HECW1: variants seen among roughly 807,000 people sequenced by gnomAD.
HECW1 encodes HECT, C2 and WW domain containing E3 ubiquitin protein ligase 1.
HECW1 carries 61 observed loss-of-function variants against 182.3 expected under a neutral mutation model. The ratio of observed to expected loss-of-function variants is 0.33; its 90% CI spans 0.27 to 0.41. HECW1 has a LOEUF of 0.41. Ranked by LOEUF, HECW1 falls within the 10% of genes least tolerant of loss-of-function variation. HECW1 has a pLI of 1.00. For missense variants in HECW1, 1,739 were observed against 2,108.9 expected (o/e 0.82, Z 3.44); for synonymous variants, 859 against 832.6 (o/e 1.03, Z -0.55).
chr7:43,205,575 A>C (rs1795393916), intron 2 of HECW1, among the ~76,000 whole-genome samples: 1 of 152,144 alleles, frequency 6.6e-6, no homozygotes, highest in Admixed American at 6.5e-5. Context: ...GGTCAAGGAG[A>C]GTCTTTGTCC....
intron 2 of HECW1, among the ~76,000 whole-genome samples, chr7:43,195,449 G>A (rs915779156): frequency 6.6e-6 from 1 of 152,134 alleles, no homozygotes; most frequent in Admixed American, 6.5e-5. Context: ...GCCACAGGGC[G>A]GCAGATCTGC....
intron 2 of HECW1, among the ~76,000 whole-genome samples, chr7:43,194,142 G>A (rs141742273): frequency 4.6e-5 from 7 of 152,118 alleles, no homozygotes; most frequent in African/African-American, 9.6e-5. Context: ...ATCATGAGGC[G>A]TGTCCCATAT....
chr7:43,126,690 A>G (rs1786278556), intron 2 of HECW1, among the ~76,000 whole-genome samples: 1 of 152,324 alleles, frequency 6.6e-6, no homozygotes, highest in South Asian at 2.1e-4. Context: ...CAGCAAGTCT[A>G]TCGGTGCCAT....
At chr7:43,495,593 A>G (rs1240128846) in intron 19 of HECW1, among the ~76,000 whole-genome samples, 5 of 152,176 alleles carry the variant, frequency 3.3e-5, no homozygotes, top group Non-Finnish European at 7.3e-5. Flanking sequence ...TACTTTGAAA[A>G]TAGGAAACAC....
intron 3 of HECW1, among the ~76,000 whole-genome samples, chr7:43,255,078 T>C (rs971375221): frequency 1.3e-5 from 2 of 152,172 alleles, no homozygotes; most frequent in African/African-American, 4.8e-5. Context: ...ATTAAGACAA[T>C]TAGATGTTAG....
intron 2 of HECW1, among the ~76,000 whole-genome samples, chr7:43,167,869 T>C (rs939722139): frequency 5.9e-5 from 9 of 152,142 alleles, no homozygotes; most frequent in Non-Finnish European, 8.8e-5. Context: ...AGGAAACAAA[T>C]TGAGGCTTGG....
intron 2 of HECW1, among the ~76,000 whole-genome samples, chr7:43,169,057 C>T (rs941412115): frequency 6.6e-6 from 1 of 152,182 alleles, no homozygotes; most frequent in Non-Finnish European, 1.5e-5. Flanking sequence ...TATGTTCATG[C>T]ATTACTTGTA....
At chr7:43,435,677 C>G (rs938838043) in intron 8 of HECW1, among the ~76,000 whole-genome samples, 3 of 152,102 alleles carry the variant, frequency 2.0e-5, no homozygotes, top group African/African-American at 7.2e-5. Flanking sequence ...CTGTAACTGG[C>G]AATGCTTGAG....
intron 15 of HECW1, among the ~76,000 whole-genome samples, chr7:43,468,122 T>A (rs529198243): frequency 1.1e-4 from 17 of 151,770 alleles, no homozygotes; most frequent in Non-Finnish European, 2.5e-4. Context: ...ACCAACCCTG[T>A]GTACCGTCAC....
intron 18 of HECW1, among the ~76,000 whole-genome samples, chr7:43,492,624 C>G (rs987606528): frequency 6.6e-6 from 1 of 152,142 alleles, no homozygotes; most frequent in African/African-American, 2.4e-5. Flanking sequence ...CCACTTGTAT[C>G]GAGGAAAATG....
rs545079617 is a variant in HECW1 at position 43,143,419 on chromosome 7, G to A, written c.-32+29028G>A. 3.9e-5 allele frequency among the ~76,000 whole-genome samples: 6 copies of A among 152,248 alleles called. No homozygotes were observed. The East Asian group carries it at 1.2e-3, about 29-fold the overall frequency. ...CCACCTCAGCCTCCTGAGTAGCTAGGGCTACAGGGATGCACCACCATGCCT... is the reference window on the plus strand; with the variant it reads ...CCACCTCAGCCTCCTGAGTAGCTAGAGCTACAGGGATGCACCACCATGCCT... On this transcript the variant is annotated intron_variant, in intron 2 of 29. Coordinates refer to ENST00000395891, the MANE Select transcript of HECW1 (RefSeq NM_015052.5).
chr7:43,509,236 G>C lies in HECW1; in HGVS notation c.4019+115G>C, dbSNP rs892888555. On this transcript the variant is annotated intron_variant, in intron 24 of 29. Transcript: ENST00000395891. ...TTAGAGCAGTGGCCAGATGTTATGA[G>C]GGATGAGAGTGAATGACAGAGTCCA... 4 of 934,992 alleles carry C rather than the reference G, an allele frequency of 4.3e-6. No homozygotes were observed. In the African/African-American group the frequency reaches 6.6e-5, roughly 16 times the overall value. 57.9% of individuals were successfully genotyped at this position (934,992 alleles called of 1,614,324 possible).
intron 5 of HECW1, among the ~76,000 whole-genome samples, chr7:43,337,383 T>C (rs747718270): frequency 1.3e-5 from 2 of 152,222 alleles, no homozygotes; most frequent in Non-Finnish European, 2.9e-5. Context: ...GTGGTTGTTT[T>C]TTTCTTGTTG....
At chr7:43,456,511 C>T (rs1231515686) in intron 13 of HECW1, 64 bp downstream of exon 13, 37 of 1,508,580 alleles carry the variant, frequency 2.5e-5, no homozygotes, top group African/African-American at 5.5e-5. Flanking sequence ...CAGCTAGAGA[C>T]GCTCCCCTTA....
At chr7:43,271,947 T>A (rs1287685736) in intron 3 of HECW1, among the ~76,000 whole-genome samples, 1 of 152,076 alleles carries the variant, frequency 6.6e-6, no homozygotes, top group Non-Finnish European at 1.5e-5. Flanking sequence ...GACTTCAAAC[T>A]GTGTTATAAG....
intron 6 of HECW1, among the ~76,000 whole-genome samples, chr7:43,372,804 C>T (rs1459773158): frequency 6.6e-6 from 1 of 151,950 alleles, no homozygotes; most frequent in African/African-American, 2.4e-5. Flanking sequence ...GTCCTTGATG[C>T]AAAGGGAAAG....
intron 2 of HECW1, among the ~76,000 whole-genome samples, chr7:43,129,375 A>G (rs1249647969): frequency 6.6e-6 from 1 of 152,222 alleles, no homozygotes; most frequent in East Asian, 1.9e-4. Context: ...GACTTACTGA[A>G]GGCCCAGATA....
chr7:43,320,584 G>A (rs1809980382), intron 4 of HECW1, 51 bp from the exon 5 acceptor site: 1 of 1,226,594 alleles, frequency 8.2e-7, no homozygotes, highest in African/African-American at 1.5e-5. Flanking sequence ...CCCTAAATAT[G>A]CTGTTGACTG....
chr7:43,313,665 G>T lies in HECW1; in HGVS notation c.352+1578G>T, dbSNP rs575025923. 1.6e-3 allele frequency among the ~76,000 whole-genome samples: 243 copies of T among 152,246 alleles called. 1 individual carries two copies. Among genetic ancestry groups the T allele is most frequent in the Non-Finnish European group, 2.4e-3 (165 of 68,008 alleles). On this transcript the variant is annotated intron_variant, in intron 4 of 29. Coordinates refer to ENST00000395891, the MANE Select transcript of HECW1 (RefSeq NM_015052.5). ...TATTTTGTTTCATTTACATTGTTTT[G>T]TTTTAAATTTGATTGATTATCCACA...
Sources: gnomAD v4.1 joint callset for allele counts (sites outside exome capture counted in the v4.1 genomes callset) on GRCh38, gnomAD v4.1.1 for gene constraint, MANE v1.5 for transcripts, NCBI Gene and HGNC (gene_info 2026-07-23, HGNC 2026-07-21) for gene names.